NRXN3: variants seen among roughly 807,000 people sequenced by gnomAD.
NRXN3 encodes the protein neurexin III.
In NRXN3, 32 loss-of-function variants were observed where a neutral mutation model predicts 137.6. That is an observed-to-expected ratio of 0.23 (90% CI 0.18 to 0.31). The LOEUF (loss-of-function observed/expected upper bound fraction) is 0.31, where lower values mean the gene tolerates loss of function less well. Among genes scored for constraint, NRXN3 ranks in the 10% least tolerant of loss-of-function variants. NRXN3 has a pLI of 1.00. For missense variants in NRXN3, 1,574 were observed against 2,062.5 expected, an observed-to-expected ratio of 0.76 and a Z score of 4.59; for synonymous variants, 798 against 784.5, an observed-to-expected ratio of 1.02 and a Z score of -0.29.
intron 15 of NRXN3, among the ~76,000 whole-genome samples, chr14:79,014,136 G>A (rs1594918038): frequency 1.3e-5 from 2 of 152,100 alleles, no homozygotes; most frequent in East Asian, 1.9e-4. Flanking sequence ...AGGTTCAGGG[G>A]TACATGTGCA....
intron 10 of NRXN3, among the ~76,000 whole-genome samples, chr14:78,835,672 C>A (rs752760384): frequency 2.0e-5 from 3 of 152,144 alleles, no homozygotes; most frequent in Non-Finnish European, 2.9e-5. Context: ...ACTGCACTTT[C>A]TGTTGGGAGA....
Position 79,867,497 on chromosome 14 carries a change from T to C in NRXN3, c.*5533T>C, listed in dbSNP as rs779241378. 1 of 152,220 alleles carries C rather than the reference T, an allele frequency of 6.6e-6. No individual in the cohort carries two copies. The highest frequency in any genetic ancestry group is 1.5e-5 in the Non-Finnish European group (1 of 68,040). 9.4% of individuals were successfully genotyped at this position (152,220 alleles called of 1,614,324 possible). On this transcript the variant is annotated 3_prime_UTR_variant, in exon 21 of 21. Coordinates refer to ENST00000335750, the MANE Select transcript of NRXN3 (RefSeq NM_001330195.2). ...TGTTCATGCACTGAGAGATTTCTTTTTCTTGCTCTTCTTATAAGACCACCA... is the reference window on the plus strand; with the variant it reads ...TGTTCATGCACTGAGAGATTTCTTTCTCTTGCTCTTCTTATAAGACCACCA...
chr14:79,064,960 G>A (rs1217385391), intron 15 of NRXN3, among the ~76,000 whole-genome samples: 1 of 151,500 alleles, frequency 6.6e-6, no homozygotes, highest in African/African-American at 2.4e-5. Flanking sequence ...ATATTGAAAA[G>A]TTAAAGTTTC....
chr14:78,782,172 G>C (rs2098772313), intron 8 of NRXN3, among the ~76,000 whole-genome samples: 1 of 152,192 alleles, frequency 6.6e-6, no homozygotes, highest in Non-Finnish European at 1.5e-5. Context: ...ACCAGCTACA[G>C]TTTTCTCCAT....
chr14:79,739,344 C>T (rs1025332364), intron 19 of NRXN3, among the ~76,000 whole-genome samples: 1 of 151,940 alleles, frequency 6.6e-6, no homozygotes, highest in Non-Finnish European at 1.5e-5. Flanking sequence ...TTTGGGAGAC[C>T]ACTTTAGAAC....
chr14:79,811,970 TG>T (rs2099235570), intron 20 of NRXN3, among the ~76,000 whole-genome samples: 1 of 152,112 alleles, frequency 6.6e-6, no homozygotes, highest in Non-Finnish European at 1.5e-5. Flanking sequence ...AAATCCTTAA[TG>T]GTGAAATGCT....
At chr14:78,598,289 C>G (rs773469055) in intron 4 of NRXN3, among the ~76,000 whole-genome samples, 4 of 152,028 alleles carry the variant, frequency 2.6e-5, no homozygotes, top group South Asian at 4.1e-4. Context: ...GCCGCTGACA[C>G]GTGAGCAAGG....
chr14:79,582,543 C>T (rs1241810504), intron 16 of NRXN3, among the ~76,000 whole-genome samples: 1 of 152,102 alleles, frequency 6.6e-6, no homozygotes, highest in Non-Finnish European at 1.5e-5. Flanking sequence ...ACCTCAGCCT[C>T]CCGAGTAGCT....
intron 19 of NRXN3, among the ~76,000 whole-genome samples, chr14:79,722,312 G>C (rs1291509542): frequency 6.6e-6 from 1 of 152,028 alleles, no homozygotes; most frequent in Non-Finnish European, 1.5e-5. Context: ...GCGCATGTAT[G>C]AGTAAGCAAG....
chr14:79,442,943 C>A (rs1227669190), intron 15 of NRXN3, among the ~76,000 whole-genome samples: 1 of 152,138 alleles, frequency 6.6e-6, no homozygotes, highest in Non-Finnish European at 1.5e-5. Context: ...GGCAATCCTC[C>A]CGATGGGGAG....
At chr14:78,301,234 G>A (rs2076848965) in intron 4 of NRXN3, among the ~76,000 whole-genome samples, 1 of 152,084 alleles carries the variant, frequency 6.6e-6, no homozygotes, top group African/African-American at 2.4e-5. Flanking sequence ...TTCTGATGGG[G>A]TGATGGGTTC....
intron 19 of NRXN3, among the ~76,000 whole-genome samples, chr14:79,768,459 C>T (rs1401005840): frequency 2.6e-5 from 4 of 152,190 alleles, no homozygotes; most frequent in Non-Finnish European, 5.9e-5. Context: ...AAGTGGGTCC[C>T]TGACCCCTGA....
chr14:79,389,543 A>G (rs574096420), intron 15 of NRXN3, among the ~76,000 whole-genome samples: 5 of 152,224 alleles, frequency 3.3e-5, no homozygotes, highest in Non-Finnish European at 7.3e-5. Flanking sequence ...TTTGGCAAAT[A>G]ACCCAAACCC....
intron 20 of NRXN3, among the ~76,000 whole-genome samples, chr14:79,835,626 T>C (rs2099339199): frequency 6.6e-6 from 1 of 152,116 alleles, no homozygotes; most frequent in African/African-American, 2.4e-5. Context: ...GGAGTGAAAA[T>C]GTGTGTAGAA....
intron 8 of NRXN3, among the ~76,000 whole-genome samples, chr14:78,748,450 A>T (rs569289101): frequency 6.6e-6 from 1 of 152,320 alleles, no homozygotes; most frequent in Non-Finnish European, 1.5e-5. Flanking sequence ...GGGGAAGGGT[A>T]GATAAAGAAG....
At chr14:78,804,393 T>C (rs549877857) in intron 9 of NRXN3, among the ~76,000 whole-genome samples, 1 of 152,330 alleles carries the variant, frequency 6.6e-6, no homozygotes, top group Admixed American at 6.5e-5. Context: ...GTTGTTCCCT[T>C]GGAAAATAAT....
chr14:78,854,373 G>T (rs2099050989), intron 10 of NRXN3, among the ~76,000 whole-genome samples: 1 of 151,946 alleles, frequency 6.6e-6, no homozygotes, highest in Admixed American at 6.6e-5. Context: ...CCCTCTTCTA[G>T]CTTTACCTTT....
At chr14:78,357,079 G>A (rs549439133) in intron 4 of NRXN3, among the ~76,000 whole-genome samples, 1 of 152,268 alleles carries the variant, frequency 6.6e-6, no homozygotes, top group East Asian at 1.9e-4. Flanking sequence ...CTTGAAGACA[G>A]GGGTGTATTA....
At chr14:78,811,421 G>T (rs2098912391) in intron 10 of NRXN3, among the ~76,000 whole-genome samples, 1 of 152,078 alleles carries the variant, frequency 6.6e-6, no homozygotes, top group Non-Finnish European at 1.5e-5. Flanking sequence ...TTATTGCCTT[G>T]CCTGGAAGTA....
Sources: gnomAD v4.1 joint callset for allele counts (sites outside exome capture counted in the v4.1 genomes callset) on GRCh38, gnomAD v4.1.1 for gene constraint, MANE v1.5 for transcripts, NCBI Gene and HGNC (gene_info 2026-07-23, HGNC 2026-07-21) for gene names.